The following RYR2 variants were observed in gnomAD, a reference collection of about 807,000 sequenced individuals.
RYR2 encodes cardiac muscle ryanodine receptor-calcium release channel.
RYR2 carries 227 observed loss-of-function variants against 601.1 expected under a neutral mutation model. The observed-to-expected ratio is 0.38, with a 90% CI of 0.34 to 0.42. The LOEUF (loss-of-function observed/expected upper bound fraction) is 0.42. Ranked by LOEUF, RYR2 falls within the 10% of genes least tolerant of loss-of-function variation. RYR2 has a pLI of 1.00. For missense variants in RYR2, 4,646 were observed against 6,156.5 expected, an observed-to-expected ratio of 0.75 and a Z score of 8.21; for synonymous variants, 2,223 against 2,175.1, an observed-to-expected ratio of 1.02 and a Z score of -0.61.
intron 8 of RYR2, 82 bp downstream of exon 8, chr1:237,377,517 G>A: frequency 9.9e-7 from 1 of 1,011,794 alleles, no homozygotes; most frequent in Admixed American, 2.1e-5. Flanking sequence ...GGTTTATATT[G>A]TAAATTATCT....
intron 25 of RYR2, among the ~76,000 whole-genome samples, chr1:237,536,817 C>T (rs1376734768): frequency 2.0e-5 from 3 of 150,134 alleles, no homozygotes; most frequent in African/African-American, 7.4e-5. Context: ...ACCCGGGAGG[C>T]GGAGCTTGCA....
At chr1:237,392,902 G>T (rs1702502932) in intron 10 of RYR2, among the ~76,000 whole-genome samples, 1 of 152,036 alleles carries the variant, frequency 6.6e-6, no homozygotes, top group South Asian at 2.1e-4. Context: ...CTGGGTGCTG[G>T]GGCTATAGTA....
intron 58 of RYR2, among the ~76,000 whole-genome samples, chr1:237,672,653 T>C (rs1685057440): frequency 6.6e-6 from 1 of 152,192 alleles, no homozygotes; most frequent in Non-Finnish European, 1.5e-5. Context: ...TAATAAATTG[T>C]TGTTAATTAT....
At chr1:237,726,368 T>A in intron 75 of RYR2, 60 bp downstream of exon 75, 4 of 1,091,618 alleles carry the variant, frequency 3.7e-6, no homozygotes, top group Non-Finnish European at 5.5e-6. Context: ...TATGTTGGGA[T>A]TTTTTCTTTC....
At chr1:237,619,735 G>T (rs894198260) in intron 38 of RYR2, among the ~76,000 whole-genome samples, 1 of 152,184 alleles carries the variant, frequency 6.6e-6, no homozygotes, top group Admixed American at 6.5e-5. Context: ...CCTACAGGGG[G>T]AGAAACAATT....
Position 237,414,069 on chromosome 1 carries a change from TAA to T in RYR2, c.774-2977_774-2976del, listed in dbSNP as rs1350668490. The stretch of plus-strand genomic sequence containing the variant: ...GTTTATGATCAGAAAATACGATGAG[TAA>T]AAGTCTTTAAAAATCTGATAACATT... On this transcript the variant is annotated intron_variant, in intron 10 of 104. Transcript: ENST00000366574. Among the ~76,000 whole-genome samples, 18 of 152,278 alleles carry T rather than the reference TAA, an allele frequency of 1.2e-4. 1 individual carries two copies. The East Asian group carries it at 3.5e-3, about 29-fold the overall frequency.
chr1:237,185,252 G>C (rs1679221750), intron 1 of RYR2, among the ~76,000 whole-genome samples: 2 of 151,968 alleles, frequency 1.3e-5, no homozygotes, highest in Non-Finnish European at 2.9e-5. Flanking sequence ...CTCCTACCTT[G>C]GCCTCCCAAA....
intron 2 of RYR2, among the ~76,000 whole-genome samples, chr1:237,296,126 C>T (rs897406962): frequency 1.3e-5 from 2 of 151,942 alleles, no homozygotes; most frequent in Admixed American, 6.6e-5. Flanking sequence ...GTGCAAAGAC[C>T]CTAAGGTGAG....
intron 41 of RYR2, among the ~76,000 whole-genome samples, chr1:237,630,004 T>C (rs1680085083): frequency 6.6e-6 from 1 of 152,114 alleles, no homozygotes; most frequent in Non-Finnish European, 1.5e-5. Flanking sequence ...GTACTAATAT[T>C]TAAATCTAAC....
At chr1:237,649,186 A>G (rs554649885) in intron 49 of RYR2, among the ~76,000 whole-genome samples, 1 of 152,318 alleles carries the variant, frequency 6.6e-6, no homozygotes, top group African/African-American at 2.4e-5. Context: ...TTATTGTAGT[A>G]GTTATGCTAC....
intron 29 of RYR2, among the ~76,000 whole-genome samples, chr1:237,578,307 A>G (rs1673491422): frequency 6.6e-6 from 1 of 152,222 alleles, no homozygotes; most frequent in Non-Finnish European, 1.5e-5. Flanking sequence ...ACAGAAAAAA[A>G]AATGGCTCAG....
At chr1:237,519,924 TTGTG>T (rs143496196) in intron 24 of RYR2, among the ~76,000 whole-genome samples, 35,995 of 151,966 alleles carry the variant, frequency 0.24, 4,667 homozygotes, top group South Asian at 0.39. Context: ...TGGGCTGTTT[TTGTG>T]TTTGTTTGCA....
intron 17 of RYR2, among the ~76,000 whole-genome samples, chr1:237,488,726 C>T (rs565688581): frequency 2.6e-5 from 4 of 152,232 alleles, no homozygotes; most frequent in South Asian, 4.1e-4. Flanking sequence ...TATTCTCCCC[C>T]GCCCTTAAGA....
At position 237,578,640 on chromosome 1, in the gene RYR2, T is replaced by TTTTGC. The variant is rs772639961; in HGVS notation, c.3598+9321_3598+9322insTTTGC. The stretch of plus-strand genomic sequence containing the variant: ...TGGAGGTATTATTTTTTTGGAGACT[T>TTTTGC]ATTTTGCAATGCCTCTTTTGGGGGT... On this transcript the variant is annotated intron_variant, in intron 29 of 104. Transcript: ENST00000366574. Among the ~76,000 whole-genome samples, 1,053 of 152,298 alleles carry TTTTGC rather than the reference T, an allele frequency of 6.9e-3. 7 individuals are homozygous for TTTTGC. Among genetic ancestry groups the TTTTGC allele is most frequent in the Non-Finnish European group, 0.011 (726 of 68,028 alleles).
At position 237,332,653 on chromosome 1, in the gene RYR2, T is replaced by C. The variant is rs114007521; in HGVS notation, c.273+1671T>C. On this transcript the variant is annotated intron_variant, in intron 3 of 104. Coordinates refer to ENST00000366574, the MANE Select transcript of RYR2 (RefSeq NM_001035.3). The stretch of plus-strand genomic sequence containing the variant: ...TTGGCATTAGCATTTAAAAAATGCA[T>C]CTTGCCATTTCATCTGTCTTTATAG... Among the ~76,000 whole-genome samples the C allele has an allele frequency of 6.3e-3, 965 of 152,318 alleles. 18 individuals are homozygous for C. The highest frequency in any genetic ancestry group is 0.022 in the African/African-American group (911 of 41,570).
chr1:237,627,977 G>T lies in RYR2; in HGVS notation c.6337G>T (p.Val2113Leu). ...PKTYTINGVS[V>L]EDTINLLASL... ...GACCTACACGATAAATGGTGTGTCC[G>T]TGGAGGACACCATCAACCTGCTGGC... The change falls in exon 41 of 105, where the codon GTG becomes TTG. Residue 2113 changes from valine (V) to leucine (L), a missense_variant. Physicochemically the swap from Val to Leu is conservative, Grantham distance 32. Around this residue, in one of 17 missense-constraint regions of RYR2, gnomAD observed 170 missense variants for 184.5 expected, o/e 0.92. Coordinates refer to ENST00000366574, the MANE Select transcript of RYR2 (RefSeq NM_001035.3). The T allele has an allele frequency of 6.2e-7, 1 of 1,613,914 alleles. No homozygotes were observed. The highest frequency in any genetic ancestry group is 8.5e-7 in the Non-Finnish European group (1 of 1,179,880).
At chr1:237,382,491 A>AG (rs1334384515) in intron 8 of RYR2, among the ~76,000 whole-genome samples, 4 of 151,194 alleles carry the variant, frequency 2.6e-5, no homozygotes, top group Admixed American at 2.6e-4. Context: ...CTTGTCATTT[A>AG]CATTACGTAT....
At chr1:237,280,786 T>C (rs1471835193) in intron 2 of RYR2, among the ~76,000 whole-genome samples, 1 of 151,502 alleles carries the variant, frequency 6.6e-6, no homozygotes, top group Non-Finnish European at 1.5e-5. Flanking sequence ...TACTGGTTTT[T>C]TTTTTTTTTG....
chr1:237,186,750 C>T (rs549488979), intron 1 of RYR2, among the ~76,000 whole-genome samples: 1 of 152,220 alleles, frequency 6.6e-6, no homozygotes, highest in East Asian at 1.9e-4. Context: ...CTGTTGAAAA[C>T]AGAGAGAAAA....
Sources: allele counts gnomAD v4.1 joint callset (sites outside exome capture counted in the v4.1 genomes callset), GRCh38; gene constraint gnomAD v4.1.1; regional missense constraint gnomAD v4.1.1; transcripts MANE v1.5; gene names NCBI Gene and HGNC (gene_info 2026-07-23, HGNC 2026-07-21).